The following SNX6 variants were observed in gnomAD, a reference collection of about 807,000 sequenced individuals.
SNX6 encodes sorting nexin-6.
A neutral mutation model predicts 63.0 loss-of-function variants in SNX6; 34 were observed. That is an observed-to-expected ratio of 0.54 (90% CI 0.41 to 0.72). SNX6 has a LOEUF of 0.72. Ranked by LOEUF, SNX6 falls within the 30% of genes least tolerant of loss-of-function variation. The pLI is 0.00. For synonymous variants in SNX6, 170 were observed against 164.2 expected, an observed-to-expected ratio of 1.04 and a Z score of -0.27; for missense variants, 398 against 471.4, an observed-to-expected ratio of 0.84 and a Z score of 1.44.
chr14:34,571,845 G>A (rs903092621), intron 11 of SNX6, among the ~76,000 whole-genome samples: 10 of 152,116 alleles, frequency 6.6e-5, no homozygotes, highest in African/African-American at 2.2e-4. Flanking sequence ...ATGGACATAT[G>A]CTTTCATTTC....
In SNX6 at chr14:34,605,572, CAAAAAAAT is replaced by C; in HGVS notation, c.392+16_392+23del. 7.0e-7 allele frequency: 1 copy of C among 1,432,930 alleles called. No homozygotes were observed. The highest frequency in any genetic ancestry group is 9.2e-7 in the Non-Finnish European group (1 of 1,087,228). 88.8% of individuals were successfully genotyped at this position (1,432,930 alleles called of 1,614,324 possible). A position where few individuals can be genotyped will look rare whatever the true frequency, so the allele number is the denominator to read the frequency against. ...GGCAACAACAACCAAAAAAAAAAAA[CAAAAAAAT>C]AAAAAAATCACTTACGCTTCCAGTT... On this transcript the variant is annotated intron_variant, in intron 5 of 13. Transcript: ENST00000362031.
chr14:34,565,036 A>C (rs1342206562), intron 13 of SNX6, among the ~76,000 whole-genome samples: 11 of 151,982 alleles, frequency 7.2e-5, no homozygotes, highest in Admixed American at 7.2e-4. Flanking sequence ...CGGATACTTA[A>C]ATCTGAATTT....
intron 6 of SNX6, among the ~76,000 whole-genome samples, chr14:34,601,417 G>T (rs915598500): frequency 1.3e-5 from 2 of 151,600 alleles, no homozygotes; most frequent in Non-Finnish European, 2.9e-5. Context: ...GTAGAGACGG[G>T]GTTTCACCAT....
intron 5 of SNX6, among the ~76,000 whole-genome samples, chr14:34,604,582 T>G (rs150822087): frequency 2.0e-5 from 3 of 152,122 alleles, no homozygotes; most frequent in African/African-American, 7.2e-5. Context: ...CTAAGGAAAA[T>G]TATTTCCTTG....
intron 2 of SNX6, among the ~76,000 whole-genome samples, chr14:34,618,260 C>T (rs1340240761): frequency 2.0e-5 from 3 of 152,146 alleles, no homozygotes. Flanking sequence ...AAGCTGAATA[C>T]CTTACAGTGG....
At chr14:34,569,172 C>G (rs1881329562) in intron 11 of SNX6, 2 of 741,836 alleles carry the variant, frequency 2.7e-6, no homozygotes, top group Admixed American at 3.7e-5. Flanking sequence ...GGAAAGGGCT[C>G]AGTCCGTTTT....
At chr14:34,601,427 T>C (rs1450495782) in intron 6 of SNX6, among the ~76,000 whole-genome samples, 1 of 151,728 alleles carries the variant, frequency 6.6e-6, no homozygotes. Flanking sequence ...GGTTTCACCA[T>C]ATTGGCCAGG....
At chr14:34,613,385 TATCATAC>T in intron 2 of SNX6, among the ~76,000 whole-genome samples, 1 of 152,362 alleles carries the variant, frequency 6.6e-6, no homozygotes, top group East Asian at 1.9e-4. Context: ...CTAGTTCATT[TATCATAC>T]AGGTTTTGGA....
intron 10 of SNX6, among the ~76,000 whole-genome samples, chr14:34,581,095 T>C (rs936125355): frequency 2.0e-5 from 3 of 152,212 alleles, no homozygotes; most frequent in African/African-American, 7.2e-5. Flanking sequence ...AACAGAACCA[T>C]AGCAAGTTAA....
chr14:34,593,967 C>T (rs1226734341), intron 7 of SNX6, among the ~76,000 whole-genome samples: 3 of 152,212 alleles, frequency 2.0e-5, no homozygotes, highest in Non-Finnish European at 2.9e-5. Flanking sequence ...CCGCGCGCCT[C>T]GGCCTCCCAA....
At chr14:34,566,161 T>C (rs1035533897) in intron 13 of SNX6, among the ~76,000 whole-genome samples, 1 of 152,194 alleles carries the variant, frequency 6.6e-6, no homozygotes, top group African/African-American at 2.4e-5. Flanking sequence ...AGAGTAATAA[T>C]GTCAAACTTA....
intron 13 of SNX6, among the ~76,000 whole-genome samples, chr14:34,566,389 T>G (rs1431518780): frequency 2.6e-5 from 4 of 152,126 alleles, no homozygotes; most frequent in Non-Finnish European, 2.9e-5. Flanking sequence ...ATTTTTATAT[T>G]TTTAGTAGAG....
intron 9 of SNX6, among the ~76,000 whole-genome samples, chr14:34,584,755 A>T (rs1882081207): frequency 6.6e-6 from 1 of 150,598 alleles, no homozygotes; most frequent in Non-Finnish European, 1.5e-5. Context: ...AGAAAAAAAA[A>T]TATATATAGA....
At chr14:34,627,106 A>G (rs1883856765) in intron 2 of SNX6, among the ~76,000 whole-genome samples, 1 of 152,068 alleles carries the variant, frequency 6.6e-6, no homozygotes. Context: ...CAGCCTCTCA[A>G]ATAGCTAGGA....
At chr14:34,580,233 C>T (rs1881881464) in intron 10 of SNX6, among the ~76,000 whole-genome samples, 1 of 152,210 alleles carries the variant, frequency 6.6e-6, no homozygotes, top group Non-Finnish European at 1.5e-5. Context: ...CCAAATCTCA[C>T]TGGCAGTGCC....
intron 2 of SNX6, chr14:34,629,536 G>A (rs1410021605): frequency 7.7e-6 from 4 of 522,052 alleles, no homozygotes; most frequent in African/African-American, 3.8e-5. Flanking sequence ...TGAGGGTGCC[G>A]CTGGGAAGGT....
At chr14:34,606,916 C>T (rs187342954) in intron 4 of SNX6, among the ~76,000 whole-genome samples, 2 of 152,150 alleles carry the variant, frequency 1.3e-5, no homozygotes, top group Admixed American at 6.5e-5. Context: ...TCTGGGATTA[C>T]AGGCACCAGC....
intron 13 of SNX6, among the ~76,000 whole-genome samples, chr14:34,566,564 A>G (rs1881191964): frequency 6.6e-6 from 1 of 152,242 alleles, no homozygotes; most frequent in South Asian, 2.1e-4. Flanking sequence ...ACAACTAGTC[A>G]AAAAATGATA....
intron 6 of SNX6, among the ~76,000 whole-genome samples, chr14:34,600,602 C>T (rs1334703687): frequency 6.6e-6 from 1 of 152,044 alleles, no homozygotes; most frequent in Non-Finnish European, 1.5e-5. Flanking sequence ...TTGAGGTTAA[C>T]CTGTACATGA....
Sources: gnomAD v4.1 joint callset for allele counts (sites outside exome capture counted in the v4.1 genomes callset) on GRCh38, gnomAD v4.1.1 for gene constraint, MANE v1.5 for transcripts, NCBI Gene and HGNC (gene_info 2026-07-23, HGNC 2026-07-21) for gene names.